Variants in SMPD4 observed in about 807,000 individuals in gnomAD.
The protein encoded by SMPD4 is neutral sphingomyelinase 3.
Under a neutral mutation model 97.8 loss-of-function variants are expected in SMPD4, and 58 were observed. The observed-to-expected ratio is 0.59, with a 90% confidence interval of 0.48 to 0.74. The LOEUF (loss-of-function observed/expected upper bound fraction) is 0.74, where lower values mean the gene tolerates loss of function less well. Among genes scored for constraint, SMPD4 ranks in the 30% least tolerant of loss-of-function variants. SMPD4 has a pLI of 0.00. For missense variants in SMPD4, 853 were observed against 1,080.5 expected (o/e 0.79, Z 2.95); for synonymous variants, 388 against 450.0 (o/e 0.86, Z 1.74).
intron 17 of SMPD4, 26 bp from the exon 18 acceptor site, chr2:130,153,476 T>G: frequency 6.2e-7 from 1 of 1,612,044 alleles, no homozygotes; most frequent in Non-Finnish European, 8.5e-7. Flanking sequence ...GCCACTGCCC[T>G]CAGCATCAAG....
intron 2 of SMPD4, among the ~76,000 whole-genome samples, chr2:130,175,285 A>T (rs1688870201): frequency 1.3e-5 from 2 of 152,174 alleles, no homozygotes; most frequent in Admixed American, 1.3e-4. Flanking sequence ...ACCAATCCAT[A>T]AGTAGGGGTT....
chr2:130,181,180 G>T, intron 1 of SMPD4: 1 of 929,834 alleles, frequency 1.1e-6, no homozygotes, highest in Non-Finnish European at 1.4e-6. Flanking sequence ...GTCGAGCTGG[G>T]ACCCACACCC....
At position 130,152,674 on chromosome 2, in the gene SMPD4, C is replaced by T. The variant is rs373887952; in HGVS notation, c.2365G>A (p.Val789Met). ...TLVSLLLAFFVASLFCVGPLP... is the reference protein window; with the variant it reads ...TLVSLLLAFFMASLFCVGPLP... Reference sequence around the variant, plus strand: ...GGCCCGACGCAGAACAGAGAGGCCACGAAGAAGGCCAGCAGCAGCGAGACC... The same window carrying T: ...GGCCCGACGCAGAACAGAGAGGCCATGAAGAAGGCCAGCAGCAGCGAGACC... The change falls in exon 20 of 20, where the codon GTG (valine) becomes ATG (methionine). Residue 789 changes from valine (V) to methionine (M), a missense_variant. Transcript: ENST00000680298. 14 of 1,568,968 alleles carry T rather than the reference C, an allele frequency of 8.9e-6. No individual in the cohort carries two copies. The highest frequency in any genetic ancestry group is 7.0e-5 in the South Asian group (6 of 85,832).
chr2:130,152,856 G>A lies in SMPD4; in HGVS notation c.2183C>T (p.Ser728Phe), dbSNP rs780485353. 5 of 1,588,906 alleles carry A rather than the reference G, an allele frequency of 3.1e-6. No individual in the cohort carries two copies. The highest frequency in any genetic ancestry group is 8.6e-7 in the Non-Finnish European group (1 of 1,165,714). ...GAAGCTGCCGAGGAAGTCATCCCGG[G>A]AACACAGAGCCGCCATCTGTCCTGC... ...RFAGQMAALC[S>F]RDDFLGSFCR... Residue 728 changes from serine (S) to phenylalanine (F), a missense_variant, in exon 20 of 20, where the codon TCC becomes TTC. By Grantham distance (155) the Ser-to-Phe change is radical. Coordinates refer to ENST00000680298, the MANE Select transcript of SMPD4 (RefSeq NM_017951.5).
At chr2:130,170,211 G>A (rs1045403726) in intron 8 of SMPD4, among the ~76,000 whole-genome samples, 2 of 151,878 alleles carry the variant, frequency 1.3e-5, no homozygotes, top group African/African-American at 4.8e-5. Flanking sequence ...GCTAGGCCAG[G>A]AGCGGCGGCT....
At chr2:130,172,710 T>C in intron 6 of SMPD4, 33 bp from the exon 7 acceptor site, 1 of 1,614,116 alleles carries the variant, frequency 6.2e-7, no homozygotes, top group Non-Finnish European at 8.5e-7. Context: ...ACATGCAGGG[T>C]TGATGAGCCA....
intron 8 of SMPD4, among the ~76,000 whole-genome samples, chr2:130,169,349 A>C (rs1688223632): frequency 6.6e-6 from 1 of 152,104 alleles, no homozygotes; most frequent in African/African-American, 2.4e-5. Flanking sequence ...GGCAATACTA[A>C]CTTCCTGGTG....
chr2:130,169,219 G>GGT (rs1688207493), intron 8 of SMPD4, among the ~76,000 whole-genome samples: 1 of 152,156 alleles, frequency 6.6e-6, no homozygotes, highest in Admixed American at 6.5e-5. Context: ...GCTCTGGAGG[G>GGT]GTCAAGGTCA....
At chr2:130,155,346 C>A (rs957598039) in intron 14 of SMPD4, 87 bp from the exon 15 acceptor site, 28 of 1,526,404 alleles carry the variant, frequency 1.8e-5, no homozygotes, top group Non-Finnish European at 2.4e-5. Context: ...TGCCCTTGCT[C>A]ACCCTTGGGC....
intron 1 of SMPD4, among the ~76,000 whole-genome samples, chr2:130,179,208 C>G (rs1312347988): frequency 6.6e-6 from 1 of 151,648 alleles, no homozygotes; most frequent in African/African-American, 2.4e-5. Context: ...ACTGCAAGCT[C>G]CGCTTGGGTT....
intron 2 of SMPD4, among the ~76,000 whole-genome samples, chr2:130,175,500 T>C (rs1265782841): frequency 6.6e-6 from 1 of 152,088 alleles, no homozygotes; most frequent in African/African-American, 2.4e-5. Flanking sequence ...TGAGCTGTCC[T>C]TTATTCGGTA....
At chr2:130,163,627 A>G (rs1023345775) in intron 10 of SMPD4, among the ~76,000 whole-genome samples, 8 of 152,268 alleles carry the variant, frequency 5.3e-5, no homozygotes, top group African/African-American at 1.9e-4. Context: ...ATGCCACTTC[A>G]GGCAAGGGCA....
At chr2:130,170,763 C>CAA (rs879749950) in intron 8 of SMPD4, among the ~76,000 whole-genome samples, 5 of 139,660 alleles carry the variant, frequency 3.6e-5, no homozygotes, top group Admixed American at 2.2e-4. Flanking sequence ...GGCCCTGTCT[C>CAA]AAAAAAAAAA....
intron 7 of SMPD4, 46 bp downstream of exon 7, chr2:130,172,579 T>G (rs541265770): frequency 3.6e-5 from 58 of 1,613,948 alleles, no homozygotes; most frequent in South Asian, 1.8e-4. Context: ...AGGGAAGCCC[T>G]GGGCCGTGGC....
chr2:130,167,593 G>A lies in SMPD4; in HGVS notation c.660-3C>T, dbSNP rs774485754. ...AAGCAAAGGGTATGGCTGGTGTCCT[G>A]AGGGAGACACAGAAACAGGCCCGAG... On this transcript the variant is annotated splice_polypyrimidine_tract_variant and splice_region_variant and intron_variant, in intron 8 of 19. Coordinates refer to ENST00000680298, the MANE Select transcript of SMPD4 (RefSeq NM_017951.5). 4 of 1,596,936 alleles carry A rather than the reference G, an allele frequency of 2.5e-6. No individual in the cohort carries two copies. In the Admixed American group the frequency reaches 5.1e-5, roughly 20 times the overall value.
intron 8 of SMPD4, among the ~76,000 whole-genome samples, chr2:130,169,591 A>G (rs1447567452): frequency 2.0e-5 from 3 of 149,988 alleles, no homozygotes; most frequent in African/African-American, 7.4e-5. Context: ...CTGAGACAGG[A>G]TCTTGTTCTG....
chr2:130,162,304 C>T (rs976907959), intron 10 of SMPD4, among the ~76,000 whole-genome samples: 17 of 152,190 alleles, frequency 1.1e-4, no homozygotes, highest in Admixed American at 6.5e-5. Flanking sequence ...CAGCCACAGC[C>T]GGCCTGGTGC....
intron 9 of SMPD4, among the ~76,000 whole-genome samples, chr2:130,166,367 G>C (rs1019945623): frequency 2.7e-5 from 4 of 148,730 alleles, no homozygotes; most frequent in Non-Finnish European, 5.9e-5. Context: ...GAACCTTCCA[G>C]TTCTTCCCTA....
chr2:130,181,315 C>T (rs1218865507), intron 1 of SMPD4: 4 of 1,423,872 alleles, frequency 2.8e-6, no homozygotes, highest in East Asian at 5.1e-5. Context: ...ACAGAGTGTA[C>T]GAGCCGCGCG....
Sources: gnomAD v4.1 joint callset for allele counts (sites outside exome capture counted in the v4.1 genomes callset) on GRCh38, gnomAD v4.1.1 for gene constraint, MANE v1.5 for transcripts, NCBI Gene and HGNC (gene_info 2026-07-23, HGNC 2026-07-21) for gene names.